Variants in ZNF438 observed in about 807,000 individuals in gnomAD.
ZNF438 encodes the protein zinc finger protein 438.
Under a neutral mutation model 38.0 loss-of-function variants are expected in ZNF438, and 25 were observed. The observed-to-expected ratio is 0.66, with a 90% confidence interval of 0.48 to 0.92. ZNF438 has a LOEUF of 0.92. ZNF438 is among the 40% of genes least tolerant of loss of function. ZNF438 has a pLI of 0.00. For missense variants in ZNF438, 1,007 were observed against 999.6 expected (o/e 1.01, Z -0.10); for synonymous variants, 372 against 364.1 (o/e 1.02, Z -0.25).
chr10:30,964,554 G>C (rs998834807), intron 1 of ZNF438, among the ~76,000 whole-genome samples: 1 of 152,218 alleles, frequency 6.6e-6, no homozygotes, highest in African/African-American at 2.4e-5. Flanking sequence ...GCAAGTATTT[G>C]TTGACTGACG....
At chr10:30,936,431 T>C (rs2046261297) in intron 2 of ZNF438, among the ~76,000 whole-genome samples, 1 of 151,778 alleles carries the variant, frequency 6.6e-6, no homozygotes, top group Non-Finnish European at 1.5e-5. Flanking sequence ...CCCAGCACTT[T>C]GGGAGGCCAA....
chr10:30,924,091 T>C (rs1424318057), intron 2 of ZNF438, among the ~76,000 whole-genome samples: 1 of 152,206 alleles, frequency 6.6e-6, no homozygotes, highest in Non-Finnish European at 1.5e-5. Flanking sequence ...TACATTTCTG[T>C]AGTAACTTTA....
intron 1 of ZNF438, among the ~76,000 whole-genome samples, chr10:31,005,426 TTA>T (rs1205315270): frequency 6.6e-6 from 1 of 152,160 alleles, no homozygotes; most frequent in African/African-American, 2.4e-5. Flanking sequence ...ATGATTTCAC[TTA>T]TATGTGGAAT....
intron 3 of ZNF438, among the ~76,000 whole-genome samples, chr10:30,897,583 CA>C (rs2041502224): frequency 6.6e-6 from 1 of 152,220 alleles, no homozygotes; most frequent in Non-Finnish European, 1.5e-5. Context: ...CTGGCATTAA[CA>C]AAGCTGGCCT....
intron 1 of ZNF438, among the ~76,000 whole-genome samples, chr10:30,985,582 C>T (rs1449092213): frequency 1.3e-5 from 2 of 152,162 alleles, no homozygotes; most frequent in Non-Finnish European, 2.9e-5. Context: ...CAAAGTAAAG[C>T]TTTTGGAAGT....
intron 1 of ZNF438, among the ~76,000 whole-genome samples, chr10:30,949,775 T>C (rs2047935569): frequency 6.6e-6 from 1 of 151,436 alleles, no homozygotes; most frequent in Admixed American, 6.6e-5. Context: ...CAAAGAGACT[T>C]AGACTCCCAC....
intron 5 of ZNF438, among the ~76,000 whole-genome samples, chr10:30,846,601 C>T (rs1428090208): frequency 1.3e-5 from 2 of 152,192 alleles, no homozygotes; most frequent in Non-Finnish European, 2.9e-5. Context: ...CGAGCCCTGC[C>T]CTTTCCAAGT....
intron 2 of ZNF438, among the ~76,000 whole-genome samples, 194 bp downstream of exon 3, chr10:30,941,376 CATTTT>C (rs775931311): frequency 1.3e-5 from 2 of 152,124 alleles, no homozygotes; most frequent in Non-Finnish European, 2.9e-5. Flanking sequence ...CTGGCCAGAA[CATTTT>C]ATTTTTATAA....
intron 1 of ZNF438, among the ~76,000 whole-genome samples, chr10:31,007,510 G>C (rs2055268283): frequency 6.6e-6 from 1 of 152,088 alleles, no homozygotes; most frequent in South Asian, 2.1e-4. Context: ...TCCATCTCCT[G>C]ACCTCGTGAT....
intron 3 of ZNF438, among the ~76,000 whole-genome samples, chr10:30,895,675 C>T (rs752223922): frequency 8.2e-4 from 124 of 152,050 alleles, no homozygotes; most frequent in Non-Finnish European, 1.4e-3. Flanking sequence ...CCAAATAACC[C>T]AACTTAAACA....
chr10:30,898,029 C>T (rs1033349852), intron 3 of ZNF438, among the ~76,000 whole-genome samples: 4 of 152,070 alleles, frequency 2.6e-5, no homozygotes, highest in African/African-American at 4.8e-5. Context: ...CAATTGGTTG[C>T]TGCTGTAAAT....
At chr10:31,019,786 AATTT>A (rs1237703932) in intron 1 of ZNF438, among the ~76,000 whole-genome samples, 3 of 152,184 alleles carry the variant, frequency 2.0e-5, no homozygotes, top group Non-Finnish European at 2.9e-5. Flanking sequence ...TTACACTAAA[AATTT>A]ATTTGTTGCT....
chr10:30,926,385 C>T (rs1292962790), intron 2 of ZNF438, among the ~76,000 whole-genome samples: 9 of 152,080 alleles, frequency 5.9e-5, no homozygotes, highest in East Asian at 3.9e-4. Context: ...TAACAAAGTA[C>T]GGCTAGGCGC....
At chr10:30,997,665 C>G (rs934500218) in intron 1 of ZNF438, among the ~76,000 whole-genome samples, 9 of 151,714 alleles carry the variant, frequency 5.9e-5, no homozygotes, top group Admixed American at 5.9e-4. Flanking sequence ...CCCCTCACCA[C>G]TGACTGGCTT....
intron 1 of ZNF438, among the ~76,000 whole-genome samples, chr10:30,992,600 G>A (rs2053618280): frequency 6.6e-6 from 1 of 152,032 alleles, no homozygotes; most frequent in Non-Finnish European, 1.5e-5. Flanking sequence ...TTTATTAGAG[G>A]AGGGGTTCTG....
chr10:30,946,388 A>G (rs1018821558), intron 1 of ZNF438, among the ~76,000 whole-genome samples: 1 of 152,188 alleles, frequency 6.6e-6, no homozygotes, highest in Non-Finnish European at 1.5e-5. Context: ...AAAAGAAACT[A>G]CCATCAGAGT....
intron 1 of ZNF438, among the ~76,000 whole-genome samples, chr10:30,942,926 A>C (rs1433640271): frequency 6.6e-6 from 1 of 152,258 alleles, no homozygotes; most frequent in East Asian, 1.9e-4. Flanking sequence ...TTTTCAAGGC[A>C]GAAGAACTGA....
At chr10:31,024,846 ATAGC>A (rs1297018401) in intron 1 of ZNF438, among the ~76,000 whole-genome samples, 1 of 152,240 alleles carries the variant, frequency 6.6e-6, no homozygotes, top group Non-Finnish European at 1.5e-5. Context: ...AAACTGTGAA[ATAGC>A]TAATTTAACA....
intron 1 of ZNF438, among the ~76,000 whole-genome samples, chr10:31,018,693 GT>G (rs1329538408): frequency 3.3e-5 from 5 of 152,212 alleles, no homozygotes; most frequent in African/African-American, 9.6e-5. Flanking sequence ...AAACAAGAAA[GT>G]TTATTCTCTT....
Sources: allele counts gnomAD v4.1 joint callset (sites outside exome capture counted in the v4.1 genomes callset), GRCh38; gene constraint gnomAD v4.1.1; transcripts MANE v1.5; gene names NCBI Gene and HGNC (gene_info 2026-07-23, HGNC 2026-07-21).